Variants in AK5 observed in about 807,000 individuals in gnomAD.
The protein encoded by AK5 is adenylate kinase 5.
In AK5, 27 loss-of-function variants were observed where a neutral mutation model predicts 69.5. The ratio of observed to expected loss-of-function variants is 0.39; its 90% CI spans 0.29 to 0.54. The LOEUF is 0.54. Ranked by LOEUF, AK5 falls within the 20% of genes least tolerant of loss-of-function variation. The pLI is 0.71. For missense variants in AK5, 531 were observed against 700.4 expected, an observed-to-expected ratio of 0.76 and a Z score of 2.73; for synonymous variants, 260 against 244.4, an observed-to-expected ratio of 1.06 and a Z score of -0.60.
chr1:77,422,107 C>T (rs1033718806), intron 8 of AK5, among the ~76,000 whole-genome samples: 2 of 152,212 alleles, frequency 1.3e-5, no homozygotes, highest in Non-Finnish European at 2.9e-5. Context: ...AAGCCAGACA[C>T]AAGGGCGTCT....
intron 13 of AK5, among the ~76,000 whole-genome samples, chr1:77,548,817 T>C (rs1376407001): frequency 1.3e-5 from 2 of 152,166 alleles, no homozygotes; most frequent in South Asian, 2.1e-4. Context: ...GTAGAAATAT[T>C]ATCACTGACT....
intron 13 of AK5, among the ~76,000 whole-genome samples, chr1:77,546,254 T>C (rs1659539878): frequency 6.6e-6 from 1 of 152,132 alleles, no homozygotes. Context: ...CCTTTGCCCA[T>C]GTTAGGGCAC....
At chr1:77,523,924 C>T (rs1181790361) in intron 12 of AK5, among the ~76,000 whole-genome samples, 1 of 152,106 alleles carries the variant, frequency 6.6e-6, no homozygotes, top group African/African-American at 2.4e-5. Flanking sequence ...CCTCAGCCTC[C>T]CAAAGTGCTG....
intron 8 of AK5, among the ~76,000 whole-genome samples, chr1:77,453,446 C>T (rs1195339925): frequency 6.6e-6 from 1 of 152,176 alleles, no homozygotes; most frequent in African/African-American, 2.4e-5. Context: ...GATAATGTAA[C>T]TTGGCTCCAT....
At chr1:77,510,947 A>G (rs1424641001) in intron 10 of AK5, among the ~76,000 whole-genome samples, 1 of 150,166 alleles carries the variant, frequency 6.7e-6, no homozygotes, top group Admixed American at 6.7e-5. Flanking sequence ...TTATATGTAT[A>G]TAATTTCCCT....
At chr1:77,454,627 T>G (rs994761199) in intron 8 of AK5, among the ~76,000 whole-genome samples, 1 of 152,208 alleles carries the variant, frequency 6.6e-6, no homozygotes, top group African/African-American at 2.4e-5. Context: ...AAATAGGAAA[T>G]TAATGTTTAT....
At chr1:77,532,295 C>G (rs1299391435) in intron 12 of AK5, 1 of 153,268 alleles carries the variant, frequency 6.5e-6, no homozygotes, top group Non-Finnish European at 1.5e-5. Flanking sequence ...CTCAGTCCCA[C>G]TAGATCCCAA....
In AK5 at chr1:77,437,258, TTTAA is replaced by T. The variant is rs549517843; in HGVS notation, c.1059+19559_1059+19562del. ...TTGATTGAAGTGCTTAATTTTTCCC[TTTAA>T]TTAATTAATTAATTAGCTCTTTGAT... On this transcript the variant is annotated intron_variant, in intron 8 of 13. Coordinates refer to ENST00000354567, the MANE Select transcript of AK5 (RefSeq NM_174858.3). 5.0e-4 allele frequency among the ~76,000 whole-genome samples: 76 copies of T among 152,252 alleles called. 2 individuals carry two copies. In the South Asian group the frequency reaches 0.011, roughly 22 times the overall value.
chr1:77,306,299 A>G (rs1490866540), intron 5 of AK5, among the ~76,000 whole-genome samples: 1 of 152,012 alleles, frequency 6.6e-6, no homozygotes, highest in Non-Finnish European at 1.5e-5. Context: ...AGGGATGTTT[A>G]ATTTTATCAA....
intron 6 of AK5, among the ~76,000 whole-genome samples, chr1:77,404,214 A>AT (rs1649458264): frequency 3.9e-5 from 6 of 152,120 alleles, no homozygotes. Flanking sequence ...GGGCTTCACA[A>AT]TTTTTTCACG....
intron 5 of AK5, among the ~76,000 whole-genome samples, chr1:77,338,693 A>C (rs1325282329): frequency 6.6e-6 from 1 of 152,226 alleles, no homozygotes; most frequent in Admixed American, 6.5e-5. Context: ...CTGAGGAGGA[A>C]CAAATGTGAG....
chr1:77,308,984 A>G lies in AK5; in HGVS notation c.699+11037A>G, dbSNP rs542182220. Among the ~76,000 whole-genome samples, 207 of 151,744 alleles carry G rather than the reference A, an allele frequency of 1.4e-3. 2 individuals are homozygous for G. Among genetic ancestry groups the G allele is most frequent in the African/African-American group, 4.9e-3 (203 of 41,284 alleles). On this transcript the variant is annotated intron_variant, in intron 5 of 13. Transcript: ENST00000354567. ...ACACTGTCTTAAAAAAAAAAAGACA[A>G]CCGAGCACCACATGTTCTCACTTAT...
intron 6 of AK5, among the ~76,000 whole-genome samples, chr1:77,367,737 C>T (rs60259246): frequency 2.3e-3 from 12 of 5,250 alleles, no homozygotes; most frequent in Non-Finnish European, 3.7e-3. Flanking sequence ...GTTATATATA[C>T]GTTATATGTT....
At chr1:77,486,457 A>ATTAC in intron 10 of AK5, 105 bp downstream of exon 10, 1 of 746,360 alleles carries the variant, frequency 1.3e-6, no homozygotes, top group Non-Finnish European at 2.1e-6. Flanking sequence ...GCACTGTGGG[A>ATTAC]GGCCAAGGCG....
chr1:77,444,355 TATATATA>T (rs1652575865), intron 8 of AK5, among the ~76,000 whole-genome samples: 1 of 41,146 alleles, frequency 2.4e-5, no homozygotes, highest in Non-Finnish European at 4.4e-5. Flanking sequence ...AATATATGTG[TATATATA>T]GTATAAATAT....
intron 8 of AK5, among the ~76,000 whole-genome samples, chr1:77,451,497 C>T (rs1653152021): frequency 6.6e-6 from 1 of 152,104 alleles, no homozygotes; most frequent in Admixed American, 6.5e-5. Flanking sequence ...ATAATGCTGC[C>T]CTGGCACATC....
At chr1:77,349,520 A>G (rs1488382557) in intron 6 of AK5, 5 of 152,274 alleles carry the variant, frequency 3.3e-5, no homozygotes, top group Admixed American at 2.0e-4. Flanking sequence ...TCATTCATCA[A>G]AATGCTTTCT....
chr1:77,475,167 G>GTATATATATATATA (rs35137146), intron 8 of AK5, among the ~76,000 whole-genome samples: 1 of 89,906 alleles, frequency 1.1e-5, no homozygotes, highest in African/African-American at 3.9e-5. Flanking sequence ...GTGTGTGCAT[G>GTATATATATATATA]TATATATATA....
At chr1:77,424,240 G>T (rs1454316325) in intron 8 of AK5, among the ~76,000 whole-genome samples, 1 of 152,206 alleles carries the variant, frequency 6.6e-6, no homozygotes, top group Non-Finnish European at 1.5e-5. Context: ...TAGCAGGAAT[G>T]TGGGTCATCA....
Sources: gnomAD v4.1 joint callset for allele counts (sites outside exome capture counted in the v4.1 genomes callset) on GRCh38, gnomAD v4.1.1 for gene constraint, MANE v1.5 for transcripts, NCBI Gene and HGNC (gene_info 2026-07-23, HGNC 2026-07-21) for gene names.